Variants in C8orf34 observed in about 807,000 individuals in gnomAD.
The protein encoded by C8orf34 is chromosome 8 open reading frame 34, also known as uncharacterized protein C8orf34.
C8orf34 carries 65 observed loss-of-function variants against 68.3 expected under a neutral mutation model. The observed-to-expected ratio is 0.95, with a 90% CI of 0.78 to 1.17. C8orf34 has a LOEUF of 1.17. Among genes scored for constraint, C8orf34 ranks in the 50% most tolerant of loss-of-function variants. The pLI is 0.00. For missense variants in C8orf34, 664 were observed against 655.4 expected (o/e 1.01, Z -0.14); for synonymous variants, 244 against 241.2 (o/e 1.01, Z -0.11).
intron 4 of C8orf34, among the ~76,000 whole-genome samples, chr8:68,477,387 A>G (rs924854629): frequency 2.0e-5 from 3 of 152,222 alleles, no homozygotes; most frequent in Non-Finnish European, 2.9e-5. Context: ...ACAGAAATGA[A>G]TAGAGCCTGA....
Position 68,677,606 on chromosome 8 carries a change from C to G in C8orf34, c.1242-31388C>G, listed in dbSNP as rs1394815415. ...TCCTGGGCTCAAGAGATCCACCTGC[C>G]TTGCCTAACAAAGTGCTGGGATTGC... On this transcript the variant is annotated intron_variant, in intron 8 of 13. Transcript: ENST00000518698. Among the ~76,000 whole-genome samples the G allele has an allele frequency of 2.5e-5, 3 of 121,302 alleles. No homozygotes were observed. In the East Asian group the frequency reaches 8.9e-4, roughly 36 times the overall value. The allele number at this position is 121,302 out of a possible 152,430, so 79.6% of individuals were successfully genotyped here.
At chr8:68,703,861 AC>A (rs766292236) in intron 8 of C8orf34, among the ~76,000 whole-genome samples, 22 of 152,106 alleles carry the variant, frequency 1.4e-4, no homozygotes, top group Middle Eastern at 3.4e-3. Flanking sequence ...TCTGCCTCAC[AC>A]CCTGCATTGG....
chr8:68,789,577 G>A (rs1190113167), intron 12 of C8orf34, among the ~76,000 whole-genome samples: 2 of 151,936 alleles, frequency 1.3e-5, no homozygotes, highest in East Asian at 3.9e-4. Flanking sequence ...CAATATTTTG[G>A]CAATAAGTTT....
intron 4 of C8orf34, among the ~76,000 whole-genome samples, chr8:68,486,599 G>A (rs775943151): frequency 6.6e-5 from 10 of 152,246 alleles, no homozygotes; most frequent in Admixed American, 2.0e-4. Context: ...GAAGTTGTGC[G>A]TACTTTTTCA....
chr8:68,734,600 C>T (rs1822071948), intron 10 of C8orf34, among the ~76,000 whole-genome samples: 1 of 152,282 alleles, frequency 6.6e-6, no homozygotes, highest in South Asian at 2.1e-4. Flanking sequence ...TGGCCAGTGC[C>T]CCACCTCATT....
intron 12 of C8orf34, among the ~76,000 whole-genome samples, chr8:68,804,027 A>T (rs35449193): frequency 0.34 from 50,970 of 151,598 alleles, 10,334 homozygotes; most frequent in African/African-American, 0.56. Flanking sequence ...GACAATTTTT[A>T]AAAAAAAATC....
At chr8:68,413,801 A>G (rs1183977715) in intron 1 of C8orf34, among the ~76,000 whole-genome samples, 1 of 152,080 alleles carries the variant, frequency 6.6e-6, no homozygotes, top group Non-Finnish European at 1.5e-5. Flanking sequence ...TCCTCTCTTG[A>G]CCTTTATATA....
At chr8:68,756,581 G>C (rs1585836204) in intron 10 of C8orf34, among the ~76,000 whole-genome samples, 1 of 152,048 alleles carries the variant, frequency 6.6e-6, no homozygotes, top group South Asian at 2.1e-4. Flanking sequence ...AAAGAAAAAA[G>C]TATGAAAGCT....
intron 10 of C8orf34, among the ~76,000 whole-genome samples, chr8:68,728,757 A>G (rs1821902748): frequency 6.6e-6 from 1 of 152,212 alleles, no homozygotes. Context: ...ATTCTGAGAG[A>G]TACAATTCAA....
intron 8 of C8orf34, among the ~76,000 whole-genome samples, chr8:68,655,290 A>G (rs1171581329): frequency 6.6e-6 from 1 of 152,208 alleles, no homozygotes; most frequent in Non-Finnish European, 1.5e-5. Context: ...ACCAGCTACT[A>G]AAAGGTAAAA....
At chr8:68,391,922 A>G (rs965026208) in intron 1 of C8orf34, among the ~76,000 whole-genome samples, 3 of 152,132 alleles carry the variant, frequency 2.0e-5, no homozygotes, top group African/African-American at 7.2e-5. Flanking sequence ...GGGAAAATGC[A>G]ATTCCACCAC....
chr8:68,601,556 A>G (rs1443989345), intron 7 of C8orf34, among the ~76,000 whole-genome samples: 2 of 152,114 alleles, frequency 1.3e-5, no homozygotes, highest in Admixed American at 1.3e-4. Context: ...TTATATTTTT[A>G]ACTTTTATAA....
chr8:68,331,339 G>A lies in C8orf34; in HGVS notation c.327G>A (p.Glu109=). ...LEKNKIGPLF[E]ELMTKLITET... ...AGAACAAGATCGGTCCCCTGTTTGA[G>A]GTAAGGCGCTGTGGAGGAGGGCAGT... Residue 109 remains glutamate, a splice_region_variant and synonymous_variant, in exon 1 of 14, where the codon GAG becomes GAA. Coordinates refer to ENST00000518698, the MANE Select transcript of C8orf34 (RefSeq NM_052958.4). 6.5e-7 allele frequency: 1 copy of A among 1,536,412 alleles called. No individual in the cohort carries two copies. Among genetic ancestry groups the A allele is most frequent in the East Asian group, 2.4e-5 (1 of 40,912 alleles).
chr8:68,344,036 C>T (rs1806182091), intron 1 of C8orf34, among the ~76,000 whole-genome samples: 1 of 152,074 alleles, frequency 6.6e-6, no homozygotes, highest in African/African-American at 2.4e-5. Context: ...AGTAGATATG[C>T]AACTACCAAA....
chr8:68,398,082 T>C (rs577401979), intron 1 of C8orf34, among the ~76,000 whole-genome samples: 2 of 152,278 alleles, frequency 1.3e-5, no homozygotes, highest in East Asian at 3.9e-4. Context: ...CTCTATTTTA[T>C]TTTCTATTGA....
At position 68,543,230 on chromosome 8, in the gene C8orf34, T is replaced by G. The variant is rs111505333; in HGVS notation, c.1105+10081T>G. On this transcript the variant is annotated intron_variant, in intron 7 of 13. Coordinates refer to ENST00000518698, the MANE Select transcript of C8orf34 (RefSeq NM_052958.4). ...AAAGAATGATGCTTTCTGAAAAAAC[T>G]ATTGGCATTTGTAATTCAATATAGG... is the stretch of plus-strand genomic sequence containing the variant. 2.4e-3 allele frequency among the ~76,000 whole-genome samples: 364 copies of G among 152,236 alleles called. 1 individual carries two copies. The highest frequency in any genetic ancestry group is 4.5e-3 in the Non-Finnish European group (308 of 67,976).
At chr8:68,725,374 T>A (rs904860899) in intron 10 of C8orf34, among the ~76,000 whole-genome samples, 2 of 152,202 alleles carry the variant, frequency 1.3e-5, no homozygotes, top group African/African-American at 4.8e-5. Flanking sequence ...CTGGTCATCA[T>A]TTCTTACTTA....
At chr8:68,768,978 C>A (rs747559316) in intron 10 of C8orf34, among the ~76,000 whole-genome samples, 1 of 151,268 alleles carries the variant, frequency 6.6e-6, no homozygotes, top group African/African-American at 2.4e-5. Context: ...TAAATATTTT[C>A]TCTTTAAAAA....
chr8:68,624,133 G>A (rs1252623103), intron 7 of C8orf34, among the ~76,000 whole-genome samples: 2 of 151,864 alleles, frequency 1.3e-5, no homozygotes, highest in Non-Finnish European at 2.9e-5. Flanking sequence ...TTAGCTGGGC[G>A]TGGTGGTGCA....
Sources: allele counts gnomAD v4.1 joint callset (sites outside exome capture counted in the v4.1 genomes callset), GRCh38; gene constraint gnomAD v4.1.1; transcripts MANE v1.5; gene names NCBI Gene and HGNC (gene_info 2026-07-23, HGNC 2026-07-21).